The following PKIB variants were observed in gnomAD, a reference collection of about 807,000 sequenced individuals.
PKIB encodes PKI-beta.
Under a neutral mutation model 4.5 loss-of-function variants are expected in PKIB, and 2 were observed. The observed-to-expected ratio is 0.44, with a 90% CI of 0.18 to 1.39. The LOEUF is 1.39. Ranked by LOEUF, PKIB falls within the 40% of genes most tolerant of loss-of-function variation. The pLI, the probability that PKIB is intolerant of heterozygous loss-of-function variation, is 0.27. For synonymous variants in PKIB, 38 were observed against 36.0 expected (o/e 1.06, Z -0.20); for missense variants, 94 against 92.6 (o/e 1.02, Z -0.06).
At chr6:122,589,864 A>G (rs925393279) in intron 3 of PKIB, among the ~76,000 whole-genome samples, 1 of 152,186 alleles carries the variant, frequency 6.6e-6, no homozygotes, top group African/African-American at 2.4e-5. Context: ...ATAACAGGAA[A>G]CCAATTTTCT....
At chr6:122,582,574 A>G (rs551435887) in intron 2 of PKIB, among the ~76,000 whole-genome samples, 1 of 152,228 alleles carries the variant, frequency 6.6e-6, no homozygotes, top group South Asian at 2.1e-4. Flanking sequence ...AAATGGTATT[A>G]TCTGATGGAG....
chr6:122,687,369 G>T (rs1778135258), intron 3 of PKIB, among the ~76,000 whole-genome samples: 1 of 152,074 alleles, frequency 6.6e-6, no homozygotes, highest in South Asian at 2.1e-4. Context: ...GCTTACTGTA[G>T]CTCTGTAGTA....
intron 3 of PKIB, chr6:122,701,260 G>C: frequency 1.9e-6 from 1 of 522,936 alleles, no homozygotes; most frequent in Non-Finnish European, 3.4e-6. Context: ...CCTCACACAG[G>C]GCTGCCTCTG....
chr6:122,719,223 C>G (rs758676689), intron 4 of PKIB, among the ~76,000 whole-genome samples: 38 of 152,032 alleles, frequency 2.5e-4, no homozygotes, highest in Admixed American at 1.2e-3. Context: ...CTTAATCAAG[C>G]AAAAGAGAGC....
chr6:122,550,186 A>T (rs1030667623), intron 2 of PKIB, among the ~76,000 whole-genome samples: 2 of 152,132 alleles, frequency 1.3e-5, no homozygotes, highest in African/African-American at 2.4e-5. Flanking sequence ...GAGTGCTAGG[A>T]TTACAGACGT....
chr6:122,563,817 G>A lies in PKIB; in HGVS notation c.-247-22104G>A, dbSNP rs577574128. 2.0e-4 allele frequency among the ~76,000 whole-genome samples: 30 copies of A among 152,150 alleles called. No homozygotes were observed. The South Asian group carries it at 2.7e-3, about 14-fold the overall frequency. ...GTCAGTCTCACTCCCACTGTTCCCC[G>A]CGACAACAGCCCCAAGTCTGTTTCC... On this transcript the variant is annotated intron_variant, in intron 2 of 6. Coordinates refer to the PKIB transcript ENST00000392491.
intron 2 of PKIB, among the ~76,000 whole-genome samples, chr6:122,573,521 C>CAAAAAA (rs61014475): frequency 8.0e-5 from 7 of 87,520 alleles, no homozygotes; most frequent in South Asian, 4.4e-4. Context: ...GACTCTGTCT[C>CAAAAAA]AAAAAAAAAA....
Position 122,585,051 on chromosome 6 carries a change from A to T in PKIB, c.-247-870A>T, listed in dbSNP as rs141674678. ...TAATCTGTCCCTTAATTTGCATATA[A>T]TTAAAAGTGGGTATACATATGACTG... On this transcript the variant is annotated intron_variant, in intron 2 of 6. Coordinates refer to the PKIB transcript ENST00000392491. Among the ~76,000 whole-genome samples, 219 of 152,248 alleles carry T rather than the reference A, an allele frequency of 1.4e-3. 1 individual carries two copies. Among genetic ancestry groups the T allele is most frequent in the African/African-American group, 4.8e-3 (200 of 41,552 alleles).
intron 3 of PKIB, among the ~76,000 whole-genome samples, chr6:122,710,609 C>G (rs1416521102): frequency 6.6e-6 from 1 of 152,154 alleles, no homozygotes; most frequent in African/African-American, 2.4e-5. Flanking sequence ...ATGCTGTGTT[C>G]CCTGTGAAGC....
chr6:122,624,962 A>G (rs966549640), intron 1 of PKIB, among the ~76,000 whole-genome samples: 1 of 152,216 alleles, frequency 6.6e-6, no homozygotes, highest in African/African-American at 2.4e-5. Flanking sequence ...AAAGAGGTTT[A>G]TCCTGGGGAC....
At chr6:122,587,643 A>G (rs905088910) in intron 3 of PKIB, among the ~76,000 whole-genome samples, 1 of 152,194 alleles carries the variant, frequency 6.6e-6, no homozygotes, top group African/African-American at 2.4e-5. Context: ...AGCCCCACCA[A>G]CAGTGTAAAA....
At chr6:122,662,016 T>C (rs925179248) in intron 2 of PKIB, among the ~76,000 whole-genome samples, 2 of 152,178 alleles carry the variant, frequency 1.3e-5, no homozygotes, top group African/African-American at 4.8e-5. Flanking sequence ...TGTCTATTCA[T>C]GTTCACTGGC....
intron 2 of PKIB, among the ~76,000 whole-genome samples, chr6:122,576,343 A>T (rs1773529023): frequency 6.8e-6 from 1 of 146,406 alleles, no homozygotes; most frequent in African/African-American, 2.6e-5. Flanking sequence ...GGTTCTTTTA[A>T]TTTGTCAAAA....
chr6:122,484,128 G>C (rs912195881), intron 2 of PKIB: 1 of 150,698 alleles, frequency 6.6e-6, no homozygotes, highest in Admixed American at 6.6e-5. Context: ...ATTTGGTTGT[G>C]CCTTCCATAT....
intron 3 of PKIB, among the ~76,000 whole-genome samples, chr6:122,592,278 T>C (rs1774041613): frequency 6.6e-6 from 1 of 152,178 alleles, no homozygotes; most frequent in Admixed American, 6.6e-5. Flanking sequence ...TTACTTCCTG[T>C]AAAATGCAAA....
chr6:122,618,617 CA>C (rs775425104), intron 1 of PKIB, among the ~76,000 whole-genome samples: 1 of 151,920 alleles, frequency 6.6e-6, no homozygotes, highest in African/African-American at 2.4e-5. Flanking sequence ...TTTTAAAAGA[CA>C]AAAAATTATC....
chr6:122,645,610 G>T (rs931527293), intron 2 of PKIB, among the ~76,000 whole-genome samples: 1 of 152,202 alleles, frequency 6.6e-6, no homozygotes, highest in Non-Finnish European at 1.5e-5. Context: ...CAAGGATTGG[G>T]GCTGAGGCTG....
At position 122,714,613 on chromosome 6, in the gene PKIB, G is replaced by A. The variant is rs9482273; in HGVS notation, c.-8-3174G>A. 3.9e-3 allele frequency among the ~76,000 whole-genome samples: 596 copies of A among 152,192 alleles called. 5 individuals carry two copies. Among genetic ancestry groups the A allele is most frequent in the African/African-American group, 0.014 (567 of 41,534 alleles). ...CCAGAATTTCTTTTTCCATGCTGAC[G>A]GCCCACTCCAAGGGCCACTTTTTAG... On this transcript the variant is annotated intron_variant, in intron 3 of 4. Coordinates refer to ENST00000368452, the MANE Select transcript of PKIB (RefSeq NM_181795.3).
chr6:122,537,412 C>T (rs1429023412), intron 2 of PKIB, among the ~76,000 whole-genome samples: 2 of 152,004 alleles, frequency 1.3e-5, no homozygotes, highest in South Asian at 2.1e-4. Flanking sequence ...TGAGAACATG[C>T]GGTTTTTTGT....
Sources: allele counts gnomAD v4.1 joint callset (sites outside exome capture counted in the v4.1 genomes callset), GRCh38; gene constraint gnomAD v4.1.1; transcripts MANE v1.5; gene names NCBI Gene and HGNC (gene_info 2026-07-23, HGNC 2026-07-21).